ATP10B: variants seen among roughly 807,000 people sequenced by gnomAD.
The protein encoded by ATP10B is phospholipid-transporting ATPase VB.
In ATP10B, 122 loss-of-function variants were observed where a neutral mutation model predicts 141.2. The observed-to-expected ratio is 0.86, with a 90% CI of 0.75 to 1.00. The LOEUF is 1.00. Ranked by LOEUF, ATP10B falls within the 50% of genes least tolerant of loss-of-function variation. The pLI is 0.00. For missense variants in ATP10B, 1,876 were observed against 1,825.3 expected, an observed-to-expected ratio of 1.03 and a Z score of -0.51; for synonymous variants, 685 against 692.0, an observed-to-expected ratio of 0.99 and a Z score of 0.16.
chr5:160,686,973 C>T (rs1007308398), intron 5 of ATP10B: 16 of 985,288 alleles, frequency 1.6e-5, no homozygotes, highest in Admixed American at 6.1e-5. Context: ...AAGTTTTCCA[C>T]GTGCATCTTG....
At chr5:160,860,672 CAT>C in the ATP10B span, among the ~76,000 whole-genome samples, 1 of 151,896 alleles carries the variant, frequency 6.6e-6, no homozygotes, top group South Asian at 2.1e-4. Context: ...GGTCCTTTGT[CAT>C]AAAGTATTTT....
intron 1 of ATP10B, among the ~76,000 whole-genome samples, chr5:160,820,628 T>C (rs562739366): frequency 6.8e-6 from 1 of 148,034 alleles, no homozygotes; most frequent in East Asian, 2.0e-4. Context: ...TGAATATTGA[T>C]GAAAAAATCC....
the ATP10B span, among the ~76,000 whole-genome samples, chr5:160,858,253 G>A: frequency 3.3e-5 from 5 of 151,764 alleles, no homozygotes; most frequent in Admixed American, 6.6e-5. Context: ...TTGTTCTGAA[G>A]TTTACTTTGT....
chr5:160,576,410 G>C (rs532194469), intron 24 of ATP10B, among the ~76,000 whole-genome samples: 32 of 152,342 alleles, frequency 2.1e-4, no homozygotes, highest in Middle Eastern at 3.4e-3. Flanking sequence ...GGGGTCTATG[G>C]GAAGCAGTTA....
At chr5:160,858,276 T>C in the ATP10B span, among the ~76,000 whole-genome samples, 6 of 152,022 alleles carry the variant, frequency 3.9e-5, no homozygotes, top group Non-Finnish European at 5.9e-5. Context: ...GATATTAATA[T>C]AGGTACTTTT....
At chr5:160,686,907 A>G in intron 5 of ATP10B, 1 of 975,802 alleles carries the variant, frequency 1.0e-6, no homozygotes. Flanking sequence ...CACATATTTT[A>G]ACTTTTAATT....
intron 24 of ATP10B, among the ~76,000 whole-genome samples, chr5:160,581,372 G>T (rs964512931): frequency 2.0e-5 from 3 of 152,172 alleles, no homozygotes; most frequent in Non-Finnish European, 2.9e-5. Context: ...TGGTTTCAAA[G>T]AACTTCTTTA....
At chr5:160,749,288 A>G (rs1429096615) in intron 2 of ATP10B, among the ~76,000 whole-genome samples, 4 of 152,242 alleles carry the variant, frequency 2.6e-5, no homozygotes, top group East Asian at 1.9e-4. Flanking sequence ...AAGGAATTCT[A>G]TCTTCTCAGA....
chr5:160,808,054 G>C (rs1772903348), intron 1 of ATP10B, among the ~76,000 whole-genome samples: 1 of 152,124 alleles, frequency 6.6e-6, no homozygotes, highest in Non-Finnish European at 1.5e-5. Context: ...AAACAGACGG[G>C]AGAGAGTTCT....
At chr5:160,724,519 T>C (rs1215791783) in intron 2 of ATP10B, among the ~76,000 whole-genome samples, 1 of 152,222 alleles carries the variant, frequency 6.6e-6, no homozygotes, top group Non-Finnish European at 1.5e-5. Flanking sequence ...ACCATAACTA[T>C]AATTCTAACT....
intron 2 of ATP10B, among the ~76,000 whole-genome samples, chr5:160,726,023 A>G (rs1217575175): frequency 6.6e-6 from 1 of 152,138 alleles, no homozygotes; most frequent in East Asian, 1.9e-4. Flanking sequence ...CAATCATGGA[A>G]TGAGAGTCTG....
At position 160,565,767 on chromosome 5, in the gene ATP10B, CA is replaced by C; in HGVS notation, c.4071del (p.Val1358SerfsTer51). 1 of 1,614,074 alleles carries C rather than the reference CA, an allele frequency of 6.2e-7. No homozygotes were observed. Among genetic ancestry groups the C allele is most frequent in the Non-Finnish European group, 8.5e-7 (1 of 1,179,970 alleles). On this transcript the variant is annotated frameshift_variant, in exon 26 of 26. Coordinates refer to ENST00000327245, the MANE Select transcript of ATP10B (RefSeq NM_025153.3). LOFTEE classifies it low-confidence loss of function (END_TRUNC). ...TGAGTTGGTCGAGCCACTTCGGGGA[CA>C]GGGGCAGGCCTCTGTCTGCTTCTCC... ...QSWRSRQRPA[P>X]VPEVARPTHH...
chr5:160,658,425 C>G (rs1020504839), intron 7 of ATP10B, among the ~76,000 whole-genome samples: 2 of 152,170 alleles, frequency 1.3e-5, no homozygotes, highest in Non-Finnish European at 2.9e-5. Flanking sequence ...GGATGAACGA[C>G]CATGGTCACA....
chr5:160,839,335 G>A (rs1775678095), intron 1 of ATP10B, among the ~76,000 whole-genome samples: 1 of 151,958 alleles, frequency 6.6e-6, no homozygotes, highest in South Asian at 2.1e-4. Flanking sequence ...AGTGCAGAGT[G>A]GCAGAAAAAA....
At chr5:160,884,050 C>G in the ATP10B span, among the ~76,000 whole-genome samples, 1 of 152,148 alleles carries the variant, frequency 6.6e-6, no homozygotes. Context: ...TTTTTCTCTA[C>G]AGCATATTGT....
chr5:160,642,958 G>A (rs976232816), intron 9 of ATP10B, among the ~76,000 whole-genome samples: 9 of 152,132 alleles, frequency 5.9e-5, no homozygotes, highest in Non-Finnish European at 1.2e-4. Flanking sequence ...CTTTATTTCT[G>A]TTCAGGCAGA....
chr5:160,842,221 C>T (rs1775852485), intron 1 of ATP10B, among the ~76,000 whole-genome samples: 2 of 152,096 alleles, frequency 1.3e-5, no homozygotes. Flanking sequence ...GCAATAACTT[C>T]TAAATAACCC....
rs1355499101 is a variant in ATP10B at position 160,670,611 on chromosome 5, A to G, written c.527T>C (p.Ile176Thr). Residue 176 changes from isoleucine to threonine, a missense_variant, in exon 7 of 26, where the codon ATC becomes ACC. By Grantham distance (89) the Ile-to-Thr change is moderately conservative. Transcript: ENST00000327245. Reference protein sequence around the residue: ...CWKDVRVGDFIQMKCNEIVPA... With the variant: ...CWKDVRVGDFTQMKCNEIVPA... The stretch of plus-strand genomic sequence containing the variant: ...GACAATCTCATTGCATTTCATTTGG[A>G]TGAAGTCTCCCACGCGCACATCCTT... 1.2e-6 allele frequency: 2 copies of G among 1,613,850 alleles called. No homozygotes were observed. The highest frequency in any genetic ancestry group is 1.3e-5 in the African/African-American group (1 of 74,996).
intron 19 of ATP10B, 139 bp from the exon 20 acceptor site, chr5:160,604,180 T>C (rs1313355911): frequency 1.5e-6 from 1 of 654,386 alleles, no homozygotes; most frequent in Non-Finnish European, 2.7e-6. Flanking sequence ...ATTGCTATAG[T>C]GCTTAGCTTG....
Sources: gnomAD v4.1 joint callset for allele counts (sites outside exome capture counted in the v4.1 genomes callset) on GRCh38, gnomAD v4.1.1 for gene constraint, MANE v1.5 for transcripts, NCBI Gene and HGNC (gene_info 2026-07-23, HGNC 2026-07-21) for gene names.